The following MPP7 variants were observed in gnomAD, a reference collection of about 807,000 sequenced individuals.
The protein encoded by MPP7 is MAGUK p55 subfamily member 7.
MPP7 carries 60 observed loss-of-function variants against 76.5 expected under a neutral mutation model. The ratio of observed to expected loss-of-function variants is 0.78; its 90% CI spans 0.64 to 0.97. The LOEUF is 0.97. Among genes scored for constraint, MPP7 ranks in the 50% least tolerant of loss-of-function variants. The probability of loss-of-function intolerance (pLI) is 0.00; values close to 1 mark genes in which losing one functional copy is unlikely to be tolerated. For synonymous variants in MPP7, 237 were observed against 244.5 expected (o/e 0.97, Z 0.29); for missense variants, 641 against 694.0 (o/e 0.92, Z 0.86).
chr10:28,189,981 T>C (rs951131294), intron 3 of MPP7, among the ~76,000 whole-genome samples: 2 of 151,950 alleles, frequency 1.3e-5, no homozygotes, highest in Non-Finnish European at 2.9e-5. Flanking sequence ...AAGAAAAAAG[T>C]AGAGAAAGAT....
chr10:28,145,701 A>G (rs1835680854), intron 5 of MPP7, among the ~76,000 whole-genome samples: 1 of 152,208 alleles, frequency 6.6e-6, no homozygotes, highest in Non-Finnish European at 1.5e-5. Context: ...GTATCCTGGA[A>G]TATTACCTAT....
chr10:28,165,084 C>T (rs1233631192), intron 3 of MPP7, among the ~76,000 whole-genome samples: 1 of 152,120 alleles, frequency 6.6e-6, no homozygotes. Flanking sequence ...CAAATGAACA[C>T]AGAGATCCCA....
chr10:28,330,303 G>C (rs573937949), intron 1 of MPP7, among the ~76,000 whole-genome samples: 2 of 152,330 alleles, frequency 1.3e-5, no homozygotes, highest in South Asian at 2.1e-4. Context: ...TGCTTGGGAG[G>C]CTGAAGGAGA....
chr10:28,226,298 G>A (rs181093542), intron 2 of MPP7, among the ~76,000 whole-genome samples: 1 of 152,084 alleles, frequency 6.6e-6, no homozygotes, highest in African/African-American at 2.4e-5. Context: ...CCAGGCTGGA[G>A]TGCAGTGGTA....
intron 3 of MPP7, among the ~76,000 whole-genome samples, chr10:28,153,239 G>C (rs1430713887): frequency 6.6e-6 from 1 of 152,094 alleles, no homozygotes; most frequent in Non-Finnish European, 1.5e-5. Flanking sequence ...GGGCTACAGA[G>C]CGAGACTCCA....
Position 28,238,674 on chromosome 10 carries a change from T to C in MPP7, c.-70A>G. On this transcript the variant is annotated 5_prime_UTR_variant, in exon 2 of 17. Transcript: ENST00000683449. ...CCTGCCTTCGGACAGCCACAGGGAATTCCAATTCAACAGCCTGCAGCCACG... is the reference window on the plus strand; with the variant it reads ...CCTGCCTTCGGACAGCCACAGGGAACTCCAATTCAACAGCCTGCAGCCACG... The C allele has an allele frequency of 6.5e-7, 1 of 1,533,324 alleles. No individual in the cohort carries two copies. Among genetic ancestry groups the C allele is most frequent in the Non-Finnish European group, 9.0e-7 (1 of 1,108,854 alleles). The allele number at this position is 1,533,324 out of a possible 1,614,324, so 95.0% of individuals were successfully genotyped here.
intron 1 of MPP7, among the ~76,000 whole-genome samples, chr10:28,280,980 T>C (rs1180450880): frequency 2.0e-5 from 3 of 152,206 alleles, no homozygotes; most frequent in South Asian, 2.1e-4. Flanking sequence ...GAAAATACCA[T>C]ATACAGGCCT....
At chr10:28,167,298 G>A (rs1332828443) in intron 3 of MPP7, among the ~76,000 whole-genome samples, 3 of 138,604 alleles carry the variant, frequency 2.2e-5, no homozygotes, top group African/African-American at 8.3e-5. Flanking sequence ...GCAACAGAGT[G>A]AGGCTCTGCC....
intron 1 of MPP7, among the ~76,000 whole-genome samples, chr10:28,302,046 A>G (rs1841167619): frequency 6.6e-6 from 1 of 152,144 alleles, no homozygotes; most frequent in Non-Finnish European, 1.5e-5. Flanking sequence ...GACTGTTTTT[A>G]GAGAGCCCCC....
At chr10:28,104,462 C>T (rs1170022807) in intron 11 of MPP7, among the ~76,000 whole-genome samples, 2 of 152,118 alleles carry the variant, frequency 1.3e-5, no homozygotes, top group Admixed American at 1.3e-4. Flanking sequence ...TGCTTATAAG[C>T]CTTGTTTTAA....
At chr10:28,323,212 G>A (rs1166290160) in intron 2 of MPP7, among the ~76,000 whole-genome samples, 2 of 152,094 alleles carry the variant, frequency 1.3e-5, no homozygotes, top group African/African-American at 2.4e-5. Flanking sequence ...ATGAACCTTG[G>A]AGGCGGAGCT....
chr10:28,308,432 A>C (rs1258459171), intron 2 of MPP7, among the ~76,000 whole-genome samples: 2 of 152,222 alleles, frequency 1.3e-5, no homozygotes, highest in Non-Finnish European at 2.9e-5. Context: ...GAAAGGTCTC[A>C]AAGAAGCAGG....
chr10:28,088,503 A>C (rs1472154252), intron 12 of MPP7, among the ~76,000 whole-genome samples: 1 of 151,570 alleles, frequency 6.6e-6, no homozygotes, highest in Non-Finnish European at 1.5e-5. Context: ...TTTCCCCTTC[A>C]CCTTCTGCCA....
At chr10:28,265,169 G>T (rs76118856) in intron 1 of MPP7, among the ~76,000 whole-genome samples, 1,762 of 152,288 alleles carry the variant, frequency 0.012, 35 homozygotes, top group African/African-American at 0.04. Flanking sequence ...TTTAAAAACA[G>T]GTAGACCTGA....
intron 1 of MPP7, among the ~76,000 whole-genome samples, chr10:28,281,075 C>CT (rs1342145579): frequency 8.9e-5 from 13 of 146,024 alleles, no homozygotes; most frequent in African/African-American, 3.0e-4. Context: ...GTCATTTCTT[C>CT]TTTTTTTTTC....
chr10:28,217,537 A>AAAAAAGAAAAG (rs1554852920), intron 2 of MPP7, among the ~76,000 whole-genome samples: 3 of 138,176 alleles, frequency 2.2e-5, no homozygotes, highest in Non-Finnish European at 3.1e-5. Context: ...AAAAAAAAAA[A>AAAAAAGAAAAG]AAAAGAAAAG....
chr10:28,269,691 T>C (rs1386586447), intron 1 of MPP7, among the ~76,000 whole-genome samples: 1 of 151,870 alleles, frequency 6.6e-6, no homozygotes, highest in Admixed American at 6.6e-5. Context: ...CACACCCAGC[T>C]AATTTTTTTA....
chr10:28,056,917 T>C (rs1851579631), intron 15 of MPP7, among the ~76,000 whole-genome samples: 1 of 152,172 alleles, frequency 6.6e-6, no homozygotes, highest in African/African-American at 2.4e-5. Context: ...AAAGGTGTGA[T>C]GAGTTAAATA....
chr10:28,091,570 G>A (rs1435683377), intron 11 of MPP7, among the ~76,000 whole-genome samples: 1 of 152,150 alleles, frequency 6.6e-6, no homozygotes, highest in Non-Finnish European at 1.5e-5. Context: ...TTACAGGCGT[G>A]AGCCACCATG....
Sources: allele counts gnomAD v4.1 joint callset (sites outside exome capture counted in the v4.1 genomes callset), GRCh38; gene constraint gnomAD v4.1.1; transcripts MANE v1.5; gene names NCBI Gene and HGNC (gene_info 2026-07-23, HGNC 2026-07-21).